ESR1: variants seen among roughly 807,000 people sequenced by gnomAD.
The protein encoded by ESR1 is estrogen receptor.
ESR1 carries 12 observed loss-of-function variants against 52.7 expected under a neutral mutation model. The ratio of observed to expected loss-of-function variants is 0.23; its 90% CI spans 0.15 to 0.37. The LOEUF (loss-of-function observed/expected upper bound fraction) is 0.37. ESR1 is among the 10% of genes least tolerant of loss of function. The pLI is 1.00. For synonymous variants in ESR1, 305 were observed against 316.8 expected, an observed-to-expected ratio of 0.96 and a Z score of 0.39; for missense variants, 584 against 779.7, an observed-to-expected ratio of 0.75 and a Z score of 2.99.
intron 2 of ESR1, among the ~76,000 whole-genome samples, chr6:151,854,232 C>CAACATGTAAGG (rs1423970043): frequency 1.3e-5 from 2 of 152,122 alleles, no homozygotes; most frequent in Admixed American, 6.5e-5. Flanking sequence ...TGAAAAATAA[C>CAACATGTAAGG]AACATGTAAG....
At chr6:151,886,308 CAGTGAGGAAATTGGCACATAGAA>C (rs1446975059) in intron 3 of ESR1, among the ~76,000 whole-genome samples, 4 of 152,044 alleles carry the variant, frequency 2.6e-5, no homozygotes, top group Non-Finnish European at 5.9e-5. Context: ...TTTCATTGTG[CAGTGAGGAAATTGGCACATAGAA>C]ATCAATTGAT....
chr6:151,709,910 C>A (rs1327098580), intron 2 of ESR1, among the ~76,000 whole-genome samples: 1 of 151,420 alleles, frequency 6.6e-6, no homozygotes, highest in Non-Finnish European at 1.5e-5. Flanking sequence ...GTCTTCCCAC[C>A]TCCTATTTTC....
intron 6 of ESR1, among the ~76,000 whole-genome samples, chr6:152,074,185 C>A (rs892533875): frequency 6.6e-6 from 1 of 152,146 alleles, no homozygotes; most frequent in Non-Finnish European, 1.5e-5. Flanking sequence ...CACATGTATG[C>A]ACTATTGTAA....
chr6:151,924,747 T>C (rs1023146428), intron 3 of ESR1, among the ~76,000 whole-genome samples: 23 of 152,246 alleles, frequency 1.5e-4, no homozygotes, highest in African/African-American at 5.5e-4. Flanking sequence ...TCCATCCTTG[T>C]TCCTGTACAG....
At chr6:151,819,610 C>T (rs1780232497) in intron 1 of ESR1, among the ~76,000 whole-genome samples, 1 of 152,248 alleles carries the variant, frequency 6.6e-6, no homozygotes, top group East Asian at 1.9e-4. Context: ...GTCCCATCAC[C>T]CCCAGATGGG....
In ESR1 at chr6:152,017,737, T is replaced by C. The variant is rs1041559158; in HGVS notation, c.1235+5943T>C. Among the ~76,000 whole-genome samples the C allele has an allele frequency of 3.3e-5, 5 of 151,996 alleles. No homozygotes were observed. The South Asian group carries it at 6.2e-4, about 19-fold the overall frequency. ...TTCATCCTACTCATTCCTTGTGGGG[T>C]CTCTTTGCTTTCAAAGAGATGTTAG... is the stretch of plus-strand genomic sequence containing the variant. On this transcript the variant is annotated intron_variant, in intron 5 of 7. Coordinates refer to ENST00000206249, the MANE Select transcript of ESR1 (RefSeq NM_000125.4).
At chr6:151,735,323 A>G (rs1483067685) in intron 2 of ESR1, among the ~76,000 whole-genome samples, 1 of 152,210 alleles carries the variant, frequency 6.6e-6, no homozygotes, top group Non-Finnish European at 1.5e-5. Context: ...TTCTCATTTA[A>G]GTAGGATGGT....
intron 1 of ESR1, among the ~76,000 whole-genome samples, chr6:151,821,161 C>T (rs1156518542): frequency 6.6e-6 from 1 of 150,940 alleles, no homozygotes; most frequent in Non-Finnish European, 1.5e-5. Context: ...CTACCTCACA[C>T]CTAATAGATG....
rs1308000582 is a variant in ESR1 at position 152,098,108 on chromosome 6, T to C, written c.1554-624T>C. ...TCCCCTAAGTCTTGGGGGAGCTTAG[T>C]TCCTTTAAGGGCAGCACAAAAATCA... is the stretch of plus-strand genomic sequence containing the variant. On this transcript the variant is annotated intron_variant, in intron 7 of 7. Coordinates refer to ENST00000206249, the MANE Select transcript of ESR1 (RefSeq NM_000125.4). This position sits in a 1 kb window ranked among gnomAD's most constrained non-coding sequence, Gnocchi z 5.1. Among the ~76,000 whole-genome samples the C allele has an allele frequency of 6.6e-6, 1 of 151,646 alleles. No homozygotes were observed. Among genetic ancestry groups the C allele is most frequent in the Non-Finnish European group, 1.5e-5 (1 of 67,900 alleles).
At chr6:152,123,968 T>G (rs2052403032) in intron 6 of ESR1, among the ~76,000 whole-genome samples, 1 of 152,172 alleles carries the variant, frequency 6.6e-6, no homozygotes, top group Non-Finnish European at 1.5e-5. Context: ...TAAAAACAGA[T>G]AGAATCCCCT....
In ESR1 at chr6:151,989,637, C is replaced by T. The variant is rs77675975; in HGVS notation, c.1097-22019C>T. Among the ~76,000 whole-genome samples, 1,505 of 152,126 alleles carry T rather than the reference C, an allele frequency of 9.9e-3. 38 individuals carry two copies. The highest frequency in any genetic ancestry group is 0.035 in the African/African-American group (1,451 of 41,472). ...GCTTAGGGTCTAAATAGCATTGAAT[C>T]CTGTTACCTTCCATCTATAATCAAT... On this transcript the variant is annotated intron_variant, in intron 4 of 7. Transcript: ENST00000206249.
rs1368101662 is a variant in ESR1 at position 152,061,371 on chromosome 6, T to A, written c.1369+247T>A. Reference sequence around the variant, plus strand: ...TGGCCTTTGAGCTAAAATTTTTGTATGCTTTCACAGATAGGATGTTTTTAT... The same window carrying A: ...TGGCCTTTGAGCTAAAATTTTTGTAAGCTTTCACAGATAGGATGTTTTTAT... On this transcript the variant is annotated intron_variant, in intron 6 of 7. Coordinates refer to ENST00000206249, the MANE Select transcript of ESR1 (RefSeq NM_000125.4). This position sits in a 1 kb window ranked among gnomAD's most constrained non-coding sequence, Gnocchi z 4.3. Among the ~76,000 whole-genome samples, 1 of 152,236 alleles carries A rather than the reference T, an allele frequency of 6.6e-6. No individual in the cohort carries two copies. The highest frequency in any genetic ancestry group is 1.5e-5 in the Non-Finnish European group (1 of 68,046).
At chr6:151,739,087 G>A (rs1782885769) in intron 2 of ESR1, among the ~76,000 whole-genome samples, 1 of 152,190 alleles carries the variant, frequency 6.6e-6, no homozygotes, top group African/African-American at 2.4e-5. Flanking sequence ...AATATTTCAT[G>A]CTTTATCTTA....
At chr6:151,779,815 G>C (rs564288461) in intron 2 of ESR1, among the ~76,000 whole-genome samples, 1 of 127,896 alleles carries the variant, frequency 7.8e-6, no homozygotes, top group Non-Finnish European at 1.7e-5. Flanking sequence ...AAAATGTGGC[G>C]CGTGAACCCG....
chr6:151,882,845 T>C (rs2128339320), intron 3 of ESR1, among the ~76,000 whole-genome samples: 1 of 152,198 alleles, frequency 6.6e-6, no homozygotes, highest in Middle Eastern at 3.4e-3. Flanking sequence ...CTAACAAAAA[T>C]TCATATATGC....
intron 2 of ESR1, among the ~76,000 whole-genome samples, chr6:151,858,147 G>A (rs1436782140): frequency 5.3e-5 from 8 of 152,108 alleles, no homozygotes; most frequent in Admixed American, 2.0e-4. Flanking sequence ...TTCAGCTTTC[G>A]TTCATTATCC....
intron 4 of ESR1, among the ~76,000 whole-genome samples, chr6:152,002,006 CAT>C (rs1274425682): frequency 6.6e-6 from 1 of 151,972 alleles, no homozygotes; most frequent in Non-Finnish European, 1.5e-5. Context: ...GAAGCATTGT[CAT>C]ATGCTTTGAT....
At chr6:151,829,788 G>A (rs12530060) in intron 1 of ESR1, among the ~76,000 whole-genome samples, 35,859 of 151,970 alleles carry the variant, frequency 0.24, 5,516 homozygotes, top group African/African-American at 0.44. Context: ...AGGTGCAGAG[G>A]GGTTCGGTGA....
intron 6 of ESR1, among the ~76,000 whole-genome samples, chr6:152,074,299 A>G (rs2048564004): frequency 6.6e-6 from 1 of 152,136 alleles, no homozygotes; most frequent in East Asian, 1.9e-4. Context: ...CTGTCTCCAC[A>G]GTTTTGCCTT....
Sources: allele counts gnomAD v4.1 joint callset (sites outside exome capture counted in the v4.1 genomes callset), GRCh38; gene constraint gnomAD v4.1.1; non-coding constraint Gnocchi (gnomAD v3.1); transcripts MANE v1.5; gene names NCBI Gene and HGNC (gene_info 2026-07-23, HGNC 2026-07-21).